EEF2KMT: variants seen among roughly 807,000 people sequenced by gnomAD.
EEF2KMT encodes the protein protein-lysine N-methyltransferase EEF2KMT.
Under a neutral mutation model 35.1 loss-of-function variants are expected in EEF2KMT, and 30 were observed. The observed-to-expected ratio is 0.85, with a 90% CI of 0.64 to 1.16. EEF2KMT has a LOEUF of 1.16. Ranked by LOEUF, EEF2KMT falls within the 50% of genes most tolerant of loss-of-function variation. The pLI is 0.00. For synonymous variants in EEF2KMT, 190 were observed against 187.7 expected (o/e 1.01, Z -0.10); for missense variants, 499 against 438.2 (o/e 1.14, Z -1.24).
At position 5,091,671 on chromosome 16, in the gene EEF2KMT, G is replaced by C. The variant is rs977017016; in HGVS notation, c.342+123C>G. On this transcript the variant is annotated intron_variant, in intron 4 of 7. Transcript: ENST00000427587. Reference sequence around the variant, plus strand: ...GAAACTGAGGCTAAAGAAGGTTGACGGACCTCATGTCTAAGACTGTAGAAT... The same window carrying C: ...GAAACTGAGGCTAAAGAAGGTTGACCGACCTCATGTCTAAGACTGTAGAAT... The C allele has an allele frequency of 3.4e-5, 51 of 1,479,652 alleles. No individual in the cohort carries two copies. The African/African-American group carries it at 6.3e-4, about 18-fold the overall frequency. The allele number at this position is 1,479,652 out of a possible 1,614,324, so 91.7% of individuals were successfully genotyped here.
chr16:5,091,871 A>C lies in EEF2KMT; in HGVS notation c.265T>G (p.Leu89Val). The change falls in exon 4 of 8, where the codon TTG becomes GTG. Residue 89 changes from leucine to valine, a missense_variant. Physicochemically the swap from Leu to Val is conservative, Grantham distance 32 (BLOSUM62 1). Transcript: ENST00000427587. ...KKHEAVHTEPLDELYEALAET... is the reference protein window; with the variant it reads ...KKHEAVHTEPVDELYEALAET... ...GCCAGCGCTTCATACAGCTCGTCCA[A>C]AGGCTCTGTGTGGACAGCCTCGTGC... 1 of 1,611,838 alleles carries C rather than the reference A, an allele frequency of 6.2e-7. No individual in the cohort carries two copies. The highest frequency in any genetic ancestry group is 1.1e-5 in the South Asian group (1 of 90,988).
intron 4 of EEF2KMT, 66 bp downstream of exon 4, chr16:5,091,728 T>G: frequency 6.2e-7 from 1 of 1,602,074 alleles, no homozygotes; most frequent in Non-Finnish European, 8.5e-7. Flanking sequence ...CACACCCACG[T>G]TTTCACTTTG....
At chr16:5,094,299 G>C (rs1266330980) in intron 2 of EEF2KMT, among the ~76,000 whole-genome samples, 1 of 152,194 alleles carries the variant, frequency 6.6e-6, no homozygotes, top group Non-Finnish European at 1.5e-5. Context: ...GTCTCGCCCT[G>C]TTGCCCAGGC....
rs767114520 is a variant in EEF2KMT, at chr16:5,097,666, G to T, written c.74C>A (p.Thr25Lys). Residue 25 changes from threonine to lysine, a missense_variant, in exon 1 of 8, where the codon ACA becomes AAA. By Grantham distance (78) the Thr-to-Lys change is moderately conservative. Coordinates refer to ENST00000427587, the MANE Select transcript of EEF2KMT (RefSeq NM_201400.4). ...CACCTGCCAGGGGAAGGAGCGCAGT[G>T]TGCGTGCCGCCAGGAAGCGGCGCTC... ...SFERRFLAAR[T>K]LRSFPWQSLE... 46 of 1,576,384 alleles carry T rather than the reference G, an allele frequency of 2.9e-5. 1 individual carries two copies. The South Asian group carries it at 5.3e-4, about 18-fold the overall frequency.
Position 5,088,699 on chromosome 16 carries a change from G to A in EEF2KMT, c.892+408C>T, listed in dbSNP as rs182566199. ...ACAGTCACCCTGCTCGTCTTCCACC[G>A]ACTGGGTGCTCAGGACAGTGGCGTG... is the stretch of plus-strand genomic sequence containing the variant. On this transcript the variant is annotated intron_variant, in intron 7 of 7. Coordinates refer to ENST00000427587, the MANE Select transcript of EEF2KMT (RefSeq NM_201400.4). Among the ~76,000 whole-genome samples the A allele has an allele frequency of 1.0e-3, 153 of 152,222 alleles. 3 individuals carry two copies. The East Asian group carries it at 0.019, about 19-fold the overall frequency.
chr16:5,086,166 T>C (rs1957157348), intron 7 of EEF2KMT, among the ~76,000 whole-genome samples: 1 of 152,064 alleles, frequency 6.6e-6, no homozygotes, highest in African/African-American at 2.4e-5. Context: ...TGAAATCCCA[T>C]CTCTACAAAA....
intron 4 of EEF2KMT, among the ~76,000 whole-genome samples, chr16:5,091,533 G>C (rs922973125): frequency 6.6e-6 from 1 of 152,236 alleles, no homozygotes; most frequent in African/African-American, 2.4e-5. Flanking sequence ...TATTCTTTGA[G>C]GACTGGGCAC....
chr16:5,093,372 C>T (rs1191765360), intron 3 of EEF2KMT, 112 bp downstream of exon 3: 10 of 1,545,616 alleles, frequency 6.5e-6, no homozygotes, highest in Non-Finnish European at 8.8e-6. Context: ...CTGGGGAGGC[C>T]CCTGCCATGC....
At chr16:5,087,900 G>A (rs945390836) in intron 7 of EEF2KMT, among the ~76,000 whole-genome samples, 7 of 145,546 alleles carry the variant, frequency 4.8e-5, no homozygotes, top group Admixed American at 2.1e-4. Context: ...TTTTTTTCAC[G>A]TAAGTATCTG....
At chr16:5,092,036 G>C in intron 3 of EEF2KMT, 141 bp from the exon 4 acceptor site, 2 of 1,478,826 alleles carry the variant, frequency 1.4e-6, no homozygotes, top group Admixed American at 2.2e-5. Context: ...TATTCACTTC[G>C]TTGGGCTTGG....
At position 5,089,157 on chromosome 16, in the gene EEF2KMT, G is replaced by T; in HGVS notation, c.842C>A (p.Ala281Asp). 1 of 1,612,448 alleles carries T rather than the reference G, an allele frequency of 6.2e-7. No individual in the cohort carries two copies. The highest frequency in any genetic ancestry group is 1.1e-5 in the South Asian group (1 of 91,026). Residue 281 changes from alanine to aspartate, a missense_variant, in exon 7 of 8, where the codon GCC becomes GAC. Transcript: ENST00000427587. ...EHQRAPEVYV[A>D]FTVRNPETCQ... ...CGTCTCTGGGTTGCGGACGGTAAAG[G>T]CCACGTAGACCTCAGGAGCCCGCTG...
At chr16:5,093,977 G>A (rs1198440748) in intron 2 of EEF2KMT, among the ~76,000 whole-genome samples, 1 of 152,186 alleles carries the variant, frequency 6.6e-6, no homozygotes, top group African/African-American at 2.4e-5. Context: ...GGAGGGGACG[G>A]GACGCTCCGG....
chr16:5,092,013 C>T, intron 3 of EEF2KMT, 118 bp from the exon 4 acceptor site: 1 of 1,527,040 alleles, frequency 6.5e-7, no homozygotes, highest in Admixed American at 2.1e-5. Flanking sequence ...TACCGGCCAG[C>T]TGCCATATAA....
intron 6 of EEF2KMT, 78 bp from the exon 7 acceptor site, chr16:5,089,334 G>C: frequency 1.3e-6 from 2 of 1,574,300 alleles, no homozygotes; most frequent in South Asian, 2.2e-5. Flanking sequence ...GCAGGGCGAG[G>C]CCAGAGAGGC....
chr16:5,093,164 G>C (rs1957377168), intron 3 of EEF2KMT, among the ~76,000 whole-genome samples: 3 of 152,356 alleles, frequency 2.0e-5, no homozygotes, highest in African/African-American at 4.8e-5. Flanking sequence ...GGGCAGGACA[G>C]AGGGTGCGGG....
intron 2 of EEF2KMT, among the ~76,000 whole-genome samples, chr16:5,094,512 C>T (rs7186234): frequency 0.027 from 4,107 of 152,268 alleles, 115 homozygotes; most frequent in East Asian, 0.13. Context: ...ATCTGTCCAC[C>T]TCAGCCTCCC....
rs1957082632 is a variant in EEF2KMT at position 5,084,573 on chromosome 16, G to A, written c.*1059C>T. 6 of 1,002,064 alleles carry A rather than the reference G, an allele frequency of 6.0e-6. No homozygotes were observed. The highest frequency in any genetic ancestry group is 8.9e-6 in the Non-Finnish European group (6 of 672,768). 62.1% of individuals were successfully genotyped at this position (1,002,064 alleles called of 1,614,324 possible). ...ATGCGGGGAAGTTTCCAGAAACTGT[G>A]ATGTCAAGTTGGAGGCGGAGTGCTG... On this transcript the variant is annotated 3_prime_UTR_variant, in exon 8 of 8. Transcript: ENST00000427587.
At chr16:5,087,784 A>G (rs1427943636) in intron 7 of EEF2KMT, among the ~76,000 whole-genome samples, 2 of 144,722 alleles carry the variant, frequency 1.4e-5, no homozygotes, top group Non-Finnish European at 3.0e-5. Flanking sequence ...GGGCAATACA[A>G]AGCCAGACTC....
chr16:5,094,098 G>T (rs1335565770), intron 2 of EEF2KMT, among the ~76,000 whole-genome samples: 7 of 152,232 alleles, frequency 4.6e-5, no homozygotes, highest in Non-Finnish European at 8.8e-5. Flanking sequence ...ACTTGGAAAG[G>T]AGGGCAGAGG....
Sources: allele counts gnomAD v4.1 joint callset (sites outside exome capture counted in the v4.1 genomes callset), GRCh38; gene constraint gnomAD v4.1.1; transcripts MANE v1.5; gene names NCBI Gene and HGNC (gene_info 2026-07-23, HGNC 2026-07-21).